The following KRIT1 variants were observed in gnomAD, a reference collection of about 807,000 sequenced individuals.
KRIT1 encodes KRIT1 ankyrin repeat containing.
KRIT1 carries 45 observed loss-of-function variants against 95.8 expected under a neutral mutation model. That is an observed-to-expected ratio of 0.47 (90% CI 0.37 to 0.60). The LOEUF (loss-of-function observed/expected upper bound fraction) is 0.60. Ranked by LOEUF, KRIT1 falls within the 20% of genes least tolerant of loss-of-function variation. KRIT1 has a pLI of 0.00. For synonymous variants in KRIT1, 282 were observed against 278.8 expected, an observed-to-expected ratio of 1.01 and a Z score of -0.11; for missense variants, 788 against 877.5, an observed-to-expected ratio of 0.90 and a Z score of 1.29.
At chr7:92,221,433 CA>C (rs112034068) in intron 14 of KRIT1, among the ~76,000 whole-genome samples, 34 of 143,446 alleles carry the variant, frequency 2.4e-4, no homozygotes, top group African/African-American at 2.8e-4. Flanking sequence ...GACTCAGTCT[CA>C]AAAAAAAAAA....
chr7:92,234,731 T>C (rs1417197105), intron 9 of KRIT1, 77 bp downstream of exon 9: 1 of 1,115,030 alleles, frequency 9.0e-7, no homozygotes. Context: ...ACAAATTGCA[T>C]ATATAATTTT....
chr7:92,227,984 G>GCCATT (rs1204796381), intron 10 of KRIT1, among the ~76,000 whole-genome samples: 17 of 152,104 alleles, frequency 1.1e-4, no homozygotes, highest in Admixed American at 7.2e-4. Flanking sequence ...TTGCACTCGA[G>GCCATT]GCTGGGTGAC....
chr7:92,205,874 G>C (rs984846924), intron 17 of KRIT1: 1 of 152,074 alleles, frequency 6.6e-6, no homozygotes, highest in Admixed American at 6.5e-5. Flanking sequence ...AATGACTTAC[G>C]GTTAGAAAAA....
At chr7:92,216,739 A>C (rs1175694277) in intron 14 of KRIT1, among the ~76,000 whole-genome samples, 1 of 152,220 alleles carries the variant, frequency 6.6e-6, no homozygotes, top group Non-Finnish European at 1.5e-5. Context: ...ATTACTTTTT[A>C]ATATGCCTAT....
chr7:92,233,294 C>G (rs1267197241), intron 10 of KRIT1, among the ~76,000 whole-genome samples: 1 of 151,814 alleles, frequency 6.6e-6, no homozygotes, highest in Non-Finnish European at 1.5e-5. Flanking sequence ...TGATCTACTG[C>G]ATTTTATATA....
In KRIT1 at chr7:92,200,825, A is replaced by G. The variant is rs753709316; in HGVS notation, c.2143-21T>C. On this transcript the variant is annotated intron_variant, in intron 18 of 18. Transcript: ENST00000394505. Reference sequence around the variant, plus strand: ...CCAGCCTACAAAGTAAAACATGTCAATAATAAATATAAAACATGTAAGAAT... The same window carrying G: ...CCAGCCTACAAAGTAAAACATGTCAGTAATAAATATAAAACATGTAAGAAT... 23 of 1,499,202 alleles carry G rather than the reference A, an allele frequency of 1.5e-5. No individual in the cohort carries two copies. The East Asian group carries it at 4.3e-4, about 28-fold the overall frequency. The allele number at this position is 1,499,202 out of a possible 1,614,324, so 92.9% of individuals were successfully genotyped here.
intron 14 of KRIT1, among the ~76,000 whole-genome samples, chr7:92,218,872 T>C (rs1794542267): frequency 6.6e-6 from 1 of 152,248 alleles, no homozygotes; most frequent in African/African-American, 2.4e-5. Context: ...ATTTCTTTTG[T>C]TGTTCATGCT....
In KRIT1 at chr7:92,226,632, T is replaced by C. The variant is rs1796258707; in HGVS notation, c.1040A>G (p.Asn347Ser). The C allele has an allele frequency of 1.9e-6, 3 of 1,613,508 alleles. No homozygotes were observed. The highest frequency in any genetic ancestry group is 1.7e-4 in the Middle Eastern group (1 of 6,056). Residue 347 changes from asparagine to serine, a missense_variant, in exon 11 of 19, where the codon AAT becomes AGT. Asn to Ser is a conservative substitution (Grantham distance 46). This residue lies in a region of KRIT1 where 493 missense variants were observed against 582.3 expected (regional missense o/e 0.85). Coordinates refer to ENST00000394505, the MANE Select transcript of KRIT1 (RefSeq NM_194454.3). ...TRILLEKGKC[N>S]PNLLNGQLSS... ...AAGTTGTCCATTTAAAAGGTTTGGA[T>C]TGCACTTTCCTTTCTCTAACAATAT...
intron 10 of KRIT1, among the ~76,000 whole-genome samples, chr7:92,233,107 G>A (rs557582733): frequency 6.6e-6 from 1 of 151,192 alleles, no homozygotes; most frequent in Non-Finnish European, 1.5e-5. Flanking sequence ...AAAATTCCAT[G>A]TAATAAGAAA....
intron 17 of KRIT1, among the ~76,000 whole-genome samples, chr7:92,209,236 A>G (rs1193380557): frequency 6.6e-6 from 1 of 152,214 alleles, no homozygotes; most frequent in African/African-American, 2.4e-5. Context: ...ACCCACAGCT[A>G]ACATCATACT....
intron 5 of KRIT1, among the ~76,000 whole-genome samples, chr7:92,240,439 T>C (rs866366079): frequency 5.3e-5 from 8 of 152,352 alleles, no homozygotes; most frequent in Middle Eastern, 3.4e-3. Context: ...ATATAGTTTG[T>C]AGTTTCTGTA....
intron 11 of KRIT1, among the ~76,000 whole-genome samples, 196 bp from the exon 12 acceptor site, chr7:92,226,023 C>T (rs1304567702): frequency 6.6e-6 from 1 of 152,082 alleles, no homozygotes; most frequent in African/African-American, 2.4e-5. Flanking sequence ...AAGCACTAAT[C>T]AATGTGATGA....
intron 17 of KRIT1, among the ~76,000 whole-genome samples, chr7:92,203,765 A>G (rs1584719037): frequency 1.3e-5 from 2 of 152,298 alleles, no homozygotes; most frequent in East Asian, 3.9e-4. Context: ...CAGTTCTATG[A>G]AGAATGATTT....
In KRIT1 at chr7:92,204,767, C is replaced by T. The variant is rs962197211; in HGVS notation, c.2026-3344G>A. On this transcript the variant is annotated intron_variant, in intron 17 of 18. Coordinates refer to ENST00000394505, the MANE Select transcript of KRIT1 (RefSeq NM_194454.3). ...GTAAATACAGATGAAGCTTTGCTTGCTGCTCATCTGCTGTGCGGCCCGGTT... is the reference window on the plus strand; with the variant it reads ...GTAAATACAGATGAAGCTTTGCTTGTTGCTCATCTGCTGTGCGGCCCGGTT... 7.9e-5 allele frequency among the ~76,000 whole-genome samples: 12 copies of T among 152,104 alleles called. No individual in the cohort carries two copies. The East Asian group carries it at 2.1e-3, about 27-fold the overall frequency.
intron 14 of KRIT1, among the ~76,000 whole-genome samples, chr7:92,219,012 A>C (rs926580224): frequency 6.6e-6 from 1 of 151,900 alleles, no homozygotes; most frequent in Admixed American, 6.6e-5. Flanking sequence ...TTATTATTAT[A>C]ATATTTGAGA....
intron 16 of KRIT1, 110 bp from the exon 17 acceptor site, chr7:92,213,511 A>C (rs957522881): frequency 1.4e-6 from 1 of 723,512 alleles, no homozygotes; most frequent in African/African-American, 1.8e-5. Flanking sequence ...ATTGCCCCTA[A>C]AGAATAAAAT....
At chr7:92,244,573 T>G (rs1800437650) in intron 2 of KRIT1, among the ~76,000 whole-genome samples, 1 of 151,974 alleles carries the variant, frequency 6.6e-6, no homozygotes, top group South Asian at 2.1e-4. Context: ...TCCAGTGACA[T>G]GAAAGAAGGA....
At position 92,213,271 on chromosome 7, in the gene KRIT1, G is replaced by A. The variant is rs370026942; in HGVS notation, c.1949C>T (p.Pro650Leu). ...CACAGGGATGACTTTATGATTGCTGGGGCTTGCCTTTGTAAATATCTGTCC... is the reference window on the plus strand; with the variant it reads ...CACAGGGATGACTTTATGATTGCTGAGGCTTGCCTTTGTAAATATCTGTCC... Reference protein sequence around the residue: ...FTGQIFTKASPSNHKVIPVYV... With the variant: ...FTGQIFTKASLSNHKVIPVYV... Residue 650 changes from proline (P) to leucine (L), a missense_variant, in exon 17 of 19, where the codon CCC becomes CTC. This residue lies in a region of KRIT1 where 493 missense variants were observed against 582.3 expected (regional missense o/e 0.85). Transcript: ENST00000394505. 1 of 1,613,444 alleles carries A rather than the reference G, an allele frequency of 6.2e-7. No homozygotes were observed. Among genetic ancestry groups the A allele is most frequent in the Non-Finnish European group, 8.5e-7 (1 of 1,179,626 alleles).
At chr7:92,230,106 A>G (rs1359972133) in intron 10 of KRIT1, among the ~76,000 whole-genome samples, 2 of 152,178 alleles carry the variant, frequency 1.3e-5, no homozygotes, top group African/African-American at 4.8e-5. Flanking sequence ...TACATTTTGT[A>G]TGGTGCTTTA....
Sources: gnomAD v4.1 joint callset for allele counts (sites outside exome capture counted in the v4.1 genomes callset) on GRCh38, gnomAD v4.1.1 for gene constraint, gnomAD v4.1.1 regional missense constraint, MANE v1.5 for transcripts, NCBI Gene and HGNC (gene_info 2026-07-23, HGNC 2026-07-21) for gene names.